The following ANO1 variants were observed in gnomAD, a reference collection of about 807,000 sequenced individuals.
The protein encoded by ANO1 is anoctamin 1, also known as anoctamin-1.
Under a neutral mutation model 124.0 loss-of-function variants are expected in ANO1, and 59 were observed. The ratio of observed to expected loss-of-function variants is 0.48; its 90% CI spans 0.39 to 0.59. The LOEUF (loss-of-function observed/expected upper bound fraction) is 0.59, where lower values mean the gene tolerates loss of function less well. ANO1 is among the 20% of genes least tolerant of loss of function. The probability of loss-of-function intolerance (pLI) is 0.00; values close to 1 mark genes in which losing one functional copy is unlikely to be tolerated. For synonymous variants in ANO1, 529 were observed against 532.0 expected (o/e 0.99, Z 0.08); for missense variants, 1,059 against 1,328.0 (o/e 0.80, Z 3.15).
At chr11:70,069,786 G>A (rs570457752) in intron 1 of ANO1, among the ~76,000 whole-genome samples, 282 of 152,210 alleles carry the variant, frequency 1.9e-3, no homozygotes, top group Non-Finnish European at 3.1e-3. Context: ...GGGCTGTGAT[G>A]AGCTTAAAAA....
chr11:70,155,793 C>A, intron 14 of ANO1, 118 bp from the exon 15 acceptor site: 1 of 910,164 alleles, frequency 1.1e-6, no homozygotes, highest in Non-Finnish European at 1.6e-6. Flanking sequence ...GAGCTTACGG[C>A]CCGCACCAGG....
intron 10 of ANO1, among the ~76,000 whole-genome samples, chr11:70,128,051 C>G (rs1298783519): frequency 6.6e-6 from 1 of 152,134 alleles, no homozygotes; most frequent in African/African-American, 2.4e-5. Context: ...CTGTAAAGAC[C>G]CAATCAGTCT....
chr11:70,054,001 T>C (rs1043666870), intron 1 of ANO1, among the ~76,000 whole-genome samples: 1 of 152,270 alleles, frequency 6.6e-6, no homozygotes, highest in Non-Finnish European at 1.5e-5. Context: ...ATCTTTTTCC[T>C]GTCTGTAGAA....
chr11:70,034,483 T>C (rs1555004148), intron 1 of ANO1, among the ~76,000 whole-genome samples: 1 of 152,206 alleles, frequency 6.6e-6, no homozygotes, highest in Non-Finnish European at 1.5e-5. Flanking sequence ...ACCTTTCTTC[T>C]TTCATGATCA....
At position 70,188,355 on chromosome 11, in the gene ANO1, CCCT is replaced by C. The variant is rs2049226674; in HGVS notation, c.*356_*358del. On this transcript the variant is annotated 3_prime_UTR_variant, in exon 26 of 26. Coordinates refer to ENST00000355303, the MANE Select transcript of ANO1 (RefSeq NM_018043.7). ...AAAAGTGAGCAGAGGCCCGTAGAAA[CCCT>C]CCTCTGAATCCTCCTAATTCCTTAA... 3.9e-6 allele frequency: 1 copy of C among 259,480 alleles called. No individual in the cohort carries two copies. The highest frequency in any genetic ancestry group is 8.0e-5 in the South Asian group (1 of 12,562). The allele number at this position is 259,480 out of a possible 1,614,324, so 16.1% of individuals were successfully genotyped here.
rs769533094 is a variant in ANO1 at position 70,105,755 on chromosome 11, T to C, written c.714T>C (p.Asp238=). Residue 238 remains aspartate (D), a synonymous_variant, in exon 5 of 26, where the codon GAT becomes GAC. Coordinates refer to ENST00000355303, the MANE Select transcript of ANO1 (RefSeq NM_018043.7). ...KQHLFDLSDK[D]SFFDSKTRST... is the part of the protein sequence containing the mutation. ...ACAGATTTGACTTGTCTGATAAGGA[T>C]TCCTTTTTCGACAGCAAAACCCGGA... 1 of 1,613,748 alleles carries C rather than the reference T, an allele frequency of 6.2e-7. No individual in the cohort carries two copies. Among genetic ancestry groups the C allele is most frequent in the Non-Finnish European group, 8.5e-7 (1 of 1,179,786 alleles).
intron 1 of ANO1, among the ~76,000 whole-genome samples, chr11:70,004,784 G>T (rs1041286024): frequency 1.3e-5 from 2 of 152,174 alleles, no homozygotes; most frequent in African/African-American, 2.4e-5. Flanking sequence ...TTACACTAGC[G>T]CACCTTTGAA....
chr11:70,074,362 T>C (rs2044028286), upstream of ANO1, among the ~76,000 whole-genome samples: 1 of 152,118 alleles, frequency 6.6e-6, no homozygotes, highest in Admixed American at 6.5e-5. Flanking sequence ...CCTCTACCAA[T>C]GGAGGGCAAC....
At chr11:69,966,732 A>C in the ANO1 span, among the ~76,000 whole-genome samples, 1 of 152,202 alleles carries the variant, frequency 6.6e-6, no homozygotes, top group African/African-American at 2.4e-5. Flanking sequence ...CAGAACACCC[A>C]GCCTGCCCCC....
intron 1 of ANO1, among the ~76,000 whole-genome samples, chr11:70,061,360 G>A (rs1000681465): frequency 1.3e-5 from 2 of 152,108 alleles, no homozygotes; most frequent in South Asian, 4.1e-4. Context: ...ATTAGTGTGG[G>A]CTGTCCCTGA....
At position 69,993,919 on chromosome 11, in the gene ANO1, G is replaced by A. The variant is rs193190037; in HGVS notation, c.58+7753G>A. On this transcript the variant is annotated intron_variant, in intron 1 of 27. Transcript: ENST00000531349. ...CTGGGCACATATAGCCCCTCGGCCT[G>A]TAGCTCCATCTCTCCCTCTGCAATG... is the stretch of plus-strand genomic sequence containing the variant. Among the ~76,000 whole-genome samples the A allele has an allele frequency of 4.5e-4, 69 of 152,280 alleles. 2 individuals carry two copies. In the East Asian group the frequency reaches 0.013, roughly 28 times the overall value.
At chr11:70,131,241 C>T (rs1194386125) in intron 10 of ANO1, among the ~76,000 whole-genome samples, 4 of 152,054 alleles carry the variant, frequency 2.6e-5, no homozygotes, top group East Asian at 3.9e-4. Flanking sequence ...CCTCCAAGGC[C>T]GGCAACAGAG....
chr11:70,069,247 G>T (rs1555009016), intron 1 of ANO1, among the ~76,000 whole-genome samples: 1 of 152,238 alleles, frequency 6.6e-6, no homozygotes, highest in East Asian at 1.9e-4. Flanking sequence ...GAACCAGGGA[G>T]TGTGTTCTGC....
At chr11:70,094,040 G>T (rs920003556) in intron 2 of ANO1, among the ~76,000 whole-genome samples, 1 of 152,202 alleles carries the variant, frequency 6.6e-6, no homozygotes, top group Admixed American at 6.5e-5. Flanking sequence ...GGAGTGGTGG[G>T]TGAGGGTCAA....
chr11:70,077,549 G>A (rs538799824), upstream of ANO1, among the ~76,000 whole-genome samples: 2 of 152,156 alleles, frequency 1.3e-5, no homozygotes, highest in Non-Finnish European at 2.9e-5. Flanking sequence ...TGCTAGGTCC[G>A]GGGGTAAGAG....
intron 1 of ANO1, among the ~76,000 whole-genome samples, chr11:70,017,369 A>G (rs1555002095): frequency 6.6e-6 from 1 of 152,040 alleles, no homozygotes; most frequent in Non-Finnish European, 1.5e-5. Context: ...TTTGATTTTC[A>G]TTTTTATTTT....
Position 70,102,499 on chromosome 11 carries a change from G to A in ANO1, c.442-567G>A, listed in dbSNP as rs185710310. On this transcript the variant is annotated intron_variant, in intron 2 of 25. Transcript: ENST00000355303. ...GCCTGCCTTCAAGCCCATGCACCAG[G>A]CTGCCATTCTCTTTAGGATGAAGTC... Among the ~76,000 whole-genome samples, 21 of 152,310 alleles carry A rather than the reference G, an allele frequency of 1.4e-4. No homozygotes were observed. The East Asian group carries it at 4.1e-3, about 29-fold the overall frequency.
intron 1 of ANO1, among the ~76,000 whole-genome samples, chr11:70,053,642 A>C (rs1857387985): frequency 6.6e-6 from 1 of 152,156 alleles, no homozygotes; most frequent in South Asian, 2.1e-4. Flanking sequence ...AGGATTTATA[A>C]GATATATGTA....
At chr11:70,082,001 C>T (rs930072579) in intron 1 of ANO1, among the ~76,000 whole-genome samples, 53 of 152,320 alleles carry the variant, frequency 3.5e-4, no homozygotes, top group Admixed American at 2.5e-3. Flanking sequence ...TTCAGATCAT[C>T]GATCACATTT....
Sources: gnomAD v4.1 joint callset for allele counts (sites outside exome capture counted in the v4.1 genomes callset) on GRCh38, gnomAD v4.1.1 for gene constraint, MANE v1.5 for transcripts, NCBI Gene and HGNC (gene_info 2026-07-23, HGNC 2026-07-21) for gene names.